The following ADGRV1 variants were observed in gnomAD, a reference collection of about 807,000 sequenced individuals.
ADGRV1 encodes adhesion G protein-coupled receptor V1.
Under a neutral mutation model 596.2 loss-of-function variants are expected in ADGRV1, and 359 were observed. The ratio of observed to expected loss-of-function variants is 0.60; its 90% CI spans 0.55 to 0.66. The LOEUF is 0.66. Among genes scored for constraint, ADGRV1 ranks in the 30% least tolerant of loss-of-function variants. The pLI is 0.00. For synonymous variants in ADGRV1, 2,681 were observed against 2,679.2 expected (o/e 1.00, Z -0.02); for missense variants, 7,274 against 7,575.6 (o/e 0.96, Z 1.48).
chr5:90,935,159 A>T (rs995368700), intron 83 of ADGRV1, among the ~76,000 whole-genome samples: 1 of 152,246 alleles, frequency 6.6e-6, no homozygotes, highest in African/African-American at 2.4e-5. Flanking sequence ...ATGCTTAATC[A>T]GTGAAAGTAT....
At chr5:91,001,720 C>A (rs1051097997) in intron 85 of ADGRV1, among the ~76,000 whole-genome samples, 27 of 152,128 alleles carry the variant, frequency 1.8e-4, no homozygotes, top group African/African-American at 6.3e-4. Context: ...ATTTTTATTG[C>A]ATGTTTCAGA....
At chr5:90,866,063 T>A (rs893980165) in intron 83 of ADGRV1, among the ~76,000 whole-genome samples, 10 of 152,144 alleles carry the variant, frequency 6.6e-5, no homozygotes, top group African/African-American at 2.4e-4. Flanking sequence ...GTGTTTGAGT[T>A]GTGAATACTT....
At chr5:91,027,475 T>C (rs1784111321) in intron 85 of ADGRV1, among the ~76,000 whole-genome samples, 2 of 152,012 alleles carry the variant, frequency 1.3e-5, no homozygotes, top group Non-Finnish European at 2.9e-5. Flanking sequence ...TTGAAAGATA[T>C]GGAAACAGCA....
At chr5:90,644,932 A>C in intron 15 of ADGRV1, 63 bp downstream of exon 15, 1 of 1,137,032 alleles carries the variant, frequency 8.8e-7, no homozygotes, top group Non-Finnish European at 1.2e-6. Flanking sequence ...ATTTTTTATT[A>C]AATAATTAAA....
chr5:91,109,477 C>T (rs1287018271), intron 87 of ADGRV1, among the ~76,000 whole-genome samples: 1 of 152,130 alleles, frequency 6.6e-6, no homozygotes, highest in Non-Finnish European at 1.5e-5. Flanking sequence ...ACTCTGACTT[C>T]AAGAGAGAAG....
At chr5:91,154,125 T>C (rs959538267) in intron 89 of ADGRV1, among the ~76,000 whole-genome samples, 3 of 152,196 alleles carry the variant, frequency 2.0e-5, no homozygotes, top group African/African-American at 7.2e-5. Context: ...TTTTGAACAT[T>C]AAAAGAAAAC....
intron 85 of ADGRV1, among the ~76,000 whole-genome samples, chr5:91,064,565 CTT>C (rs1787721303): frequency 6.6e-6 from 1 of 152,176 alleles, no homozygotes; most frequent in Non-Finnish European, 1.5e-5. Context: ...CTCTCCCTCT[CTT>C]TGCTTTCTTA....
chr5:90,652,857 T>C (rs897316620), intron 19 of ADGRV1, among the ~76,000 whole-genome samples: 7 of 152,150 alleles, frequency 4.6e-5, no homozygotes, highest in South Asian at 2.1e-4. Flanking sequence ...AAGACGTTAG[T>C]GGAAGGTAGG....
intron 85 of ADGRV1, among the ~76,000 whole-genome samples, chr5:91,032,299 G>A (rs1784545172): frequency 1.3e-5 from 2 of 152,208 alleles, no homozygotes; most frequent in African/African-American, 4.8e-5. Context: ...AGTTTAAGAA[G>A]GCTGTGGGAG....
At chr5:90,864,871 A>C (rs1767943918) in intron 83 of ADGRV1, among the ~76,000 whole-genome samples, 1 of 152,280 alleles carries the variant, frequency 6.6e-6, no homozygotes, top group African/African-American at 2.4e-5. Flanking sequence ...GGTGCTGGTC[A>C]TATGTGTGTA....
intron 86 of ADGRV1, among the ~76,000 whole-genome samples, chr5:91,100,121 C>T (rs922272439): frequency 6.6e-6 from 1 of 152,004 alleles, no homozygotes. Context: ...AACTTGGCAT[C>T]GAAATAAACA....
chr5:90,980,924 T>A (rs1271458477), intron 84 of ADGRV1, among the ~76,000 whole-genome samples: 1 of 152,218 alleles, frequency 6.6e-6, no homozygotes, highest in African/African-American at 2.4e-5. Flanking sequence ...ATCGTTTTAT[T>A]GTAACATTGA....
intron 83 of ADGRV1, among the ~76,000 whole-genome samples, chr5:90,920,001 A>C (rs931817438): frequency 1.2e-4 from 18 of 151,828 alleles, no homozygotes; most frequent in Admixed American, 2.0e-4. Flanking sequence ...TCTCAAAAAA[A>C]AAAAAAAAAA....
At chr5:90,613,418 C>A (rs940985468) in intron 1 of ADGRV1, among the ~76,000 whole-genome samples, 7 of 152,134 alleles carry the variant, frequency 4.6e-5, no homozygotes, top group Non-Finnish European at 8.8e-5. Context: ...CCTTTCCTGT[C>A]TCACACATGC....
intron 1 of ADGRV1, among the ~76,000 whole-genome samples, chr5:90,597,950 A>C (rs1210889595): frequency 1.3e-5 from 2 of 152,220 alleles, no homozygotes; most frequent in African/African-American, 4.8e-5. Context: ...CAAAAGTTTA[A>C]GGGTGGACAG....
rs372496305 is a variant in ADGRV1 at position 90,783,354 on chromosome 5, A to G, written c.13433+29A>G. On this transcript the variant is annotated intron_variant, in intron 66 of 89. Transcript: ENST00000405460. ...GGTATATAGAAAATAATGTGGGCAC[A>G]TATAAGACATAAGTATTGTGTTCAA... is the stretch of plus-strand genomic sequence containing the variant. 276 of 1,392,334 alleles carry G rather than the reference A, an allele frequency of 2.0e-4. 1 individual carries two copies. The highest frequency in any genetic ancestry group is 5.4e-4 in the Middle Eastern group (3 of 5,566). The allele number at this position is 1,392,334 out of a possible 1,614,324, so 86.2% of individuals were successfully genotyped here.
Position 90,855,814 on chromosome 5 carries a change from A to G in ADGRV1, c.17668A>G (p.Met5890Val), listed in dbSNP as rs1485447079. 3.1e-6 allele frequency: 5 copies of G among 1,610,500 alleles called. No individual in the cohort carries two copies. Among genetic ancestry groups the G allele is most frequent in the East Asian group, 4.5e-5 (2 of 44,836 alleles). ...ADYVECACSH[M>V]SVYAVYARTD... ...CTATGTGGAATGTGCCTGTTCACAC[A>G]TGTCTGTGTATGCTGTCTATGCTCG... The change falls in exon 82 of 90, where the codon ATG (methionine) becomes GTG (valine). Residue 5890 changes from methionine (M) to valine (V), a missense_variant. This residue lies in a region of ADGRV1 where 1,874 missense variants were observed against 1,970.2 expected (regional missense o/e 0.95). Coordinates refer to ENST00000405460, the MANE Select transcript of ADGRV1 (RefSeq NM_032119.4).
chr5:90,791,085 C>A lies in ADGRV1; in HGVS notation c.14256C>A (p.Phe4752Leu). Residue 4752 changes from phenylalanine (F) to leucine (L), a missense_variant, in exon 70 of 90, where the codon TTC (phenylalanine) becomes TTA (leucine). This residue lies in a region of ADGRV1 where 1,874 missense variants were observed against 1,970.2 expected (regional missense o/e 0.95). Transcript: ENST00000405460. Reference sequence around the variant, plus strand: ...ATCTGGAGAAGAGTATCACATGGTTCTCTGTTTATGCAAATGATGACCCAC... The same window carrying A: ...ATCTGGAGAAGAGTATCACATGGTTATCTGTTTATGCAAATGATGACCCAC... ...ELDLEKSITWFSVYANDDPHG... is the reference protein window; with the variant it reads ...ELDLEKSITWLSVYANDDPHG... 1.2e-6 allele frequency: 2 copies of A among 1,613,904 alleles called. No individual in the cohort carries two copies. Among genetic ancestry groups the A allele is most frequent in the Non-Finnish European group, 1.7e-6 (2 of 1,179,858 alleles).
intron 1 of ADGRV1, among the ~76,000 whole-genome samples, chr5:90,579,086 G>T (rs991743106): frequency 3.0e-4 from 46 of 152,022 alleles, no homozygotes; most frequent in African/African-American, 1.1e-3. Context: ...TTTGAAGGGT[G>T]TTTTGTGTCT....
Sources: allele counts gnomAD v4.1 joint callset (sites outside exome capture counted in the v4.1 genomes callset), GRCh38; gene constraint gnomAD v4.1.1; regional missense constraint gnomAD v4.1.1; transcripts MANE v1.5; gene names NCBI Gene and HGNC (gene_info 2026-07-23, HGNC 2026-07-21).